KIF6: variants seen among roughly 807,000 people sequenced by gnomAD.
The protein encoded by KIF6 is kinesin-like protein KIF6.
In KIF6, 106 loss-of-function variants were observed where a neutral mutation model predicts 112.7. The ratio of observed to expected loss-of-function variants is 0.94; its 90% CI spans 0.80 to 1.11. The LOEUF is 1.11. Ranked by LOEUF, KIF6 falls within the 50% of genes least tolerant of loss-of-function variation. The pLI is 0.00. For missense variants in KIF6, 929 were observed against 964.0 expected (o/e 0.96, Z 0.48); for synonymous variants, 339 against 339.9 (o/e 1.00, Z 0.03).
intron 16 of KIF6, 57 bp from the exon 17 acceptor site, chr6:39,362,575 G>C (rs376123906): frequency 7.7e-7 from 1 of 1,293,450 alleles, no homozygotes; most frequent in Non-Finnish European, 1.1e-6. Context: ...GGAAGAGTGT[G>C]ATATTTGGGC....
chr6:39,388,816 C>CA (rs997638404), intron 15 of KIF6, among the ~76,000 whole-genome samples: 15 of 152,140 alleles, frequency 9.9e-5, no homozygotes, highest in African/African-American at 3.6e-4. Flanking sequence ...GAAATGGAAA[C>CA]AGAGAACTCC....
At chr6:39,596,294 A>G in intron 6 of KIF6, 34 bp from the exon 7 acceptor site, 1 of 1,372,252 alleles carries the variant, frequency 7.3e-7, no homozygotes, top group South Asian at 1.2e-5. Context: ...AATTATTTGA[A>G]CAATGAAAAT....
At chr6:39,709,657 T>C (rs1162818057) in intron 3 of KIF6, among the ~76,000 whole-genome samples, 2 of 152,190 alleles carry the variant, frequency 1.3e-5, no homozygotes, top group Non-Finnish European at 2.9e-5. Context: ...TTACAGAATT[T>C]TGGACAGAAA....
intron 15 of KIF6, among the ~76,000 whole-genome samples, chr6:39,415,887 A>G (rs1769885357): frequency 6.6e-6 from 1 of 152,156 alleles, no homozygotes. Context: ...TAGGGGGAAA[A>G]AAACTTCCAG....
At chr6:39,337,055 TCTTTCTTTCTTTCTCTTTC>T (rs1762964243) in intron 22 of KIF6, among the ~76,000 whole-genome samples, 1 of 84,994 alleles carries the variant, frequency 1.2e-5, no homozygotes, top group Non-Finnish European at 2.8e-5. Context: ...CCTTTTTCTT[TCTTTCTTTCTTTCTCTTTC>T]CTTTCTTTCC....
At chr6:39,441,332 T>G (rs1394394498) in intron 13 of KIF6, among the ~76,000 whole-genome samples, 1 of 152,214 alleles carries the variant, frequency 6.6e-6, no homozygotes, top group Non-Finnish European at 1.5e-5. Flanking sequence ...AAATGACAAC[T>G]GCCATTTGAT....
At chr6:39,586,187 A>G in intron 8 of KIF6, 74 bp downstream of exon 8, 1 of 1,524,250 alleles carries the variant, frequency 6.6e-7, no homozygotes, top group East Asian at 2.3e-5. Flanking sequence ...AACCCACCCA[A>G]GAGCCTCAAC....
chr6:39,558,932 TATGAG>T (rs1295685304), intron 10 of KIF6, among the ~76,000 whole-genome samples: 1 of 152,204 alleles, frequency 6.6e-6, no homozygotes, highest in Non-Finnish European at 1.5e-5. Context: ...TTTTTAATCA[TATGAG>T]ATAACTATTT....
chr6:39,555,340 T>C (rs1177829648), intron 10 of KIF6, among the ~76,000 whole-genome samples: 1 of 151,902 alleles, frequency 6.6e-6, no homozygotes, highest in African/African-American at 2.4e-5. Flanking sequence ...CCTCCCCCTA[T>C]ACCCATATGG....
At chr6:39,663,533 T>C (rs1786284094) in intron 3 of KIF6, among the ~76,000 whole-genome samples, 1 of 152,082 alleles carries the variant, frequency 6.6e-6, no homozygotes, top group Admixed American at 6.6e-5. Context: ...TCAGAATAAG[T>C]ATAATACAGG....
At chr6:39,587,199 C>A (rs1022075168) in intron 7 of KIF6, among the ~76,000 whole-genome samples, 2 of 152,102 alleles carry the variant, frequency 1.3e-5, no homozygotes, top group African/African-American at 2.4e-5. Flanking sequence ...AGGGTTATCC[C>A]GGGCAGACAA....
intron 4 of KIF6, among the ~76,000 whole-genome samples, chr6:39,636,093 C>A (rs1158227821): frequency 2.0e-5 from 3 of 151,946 alleles, no homozygotes; most frequent in African/African-American, 7.2e-5. Flanking sequence ...AAGCTGGACT[C>A]CTACTCTAAC....
At chr6:39,590,452 T>TATA (rs1491249480) in intron 7 of KIF6, among the ~76,000 whole-genome samples, 2 of 81,928 alleles carry the variant, frequency 2.4e-5, no homozygotes, top group Non-Finnish European at 5.3e-5. Flanking sequence ...TATATATATA[T>TATA]TTTTTTTTTT....
intron 10 of KIF6, among the ~76,000 whole-genome samples, chr6:39,556,010 G>T (rs1449864445): frequency 1.4e-5 from 2 of 141,534 alleles, no homozygotes; most frequent in Non-Finnish European, 3.1e-5. Flanking sequence ...CTTACATAAA[G>T]ATTATTTTTA....
chr6:39,380,553 G>A (rs559291229), intron 16 of KIF6, among the ~76,000 whole-genome samples: 139 of 152,072 alleles, frequency 9.1e-4, no homozygotes, highest in Middle Eastern at 3.4e-3. Context: ...GCACATGCAC[G>A]CGCACACACA....
At chr6:39,708,190 G>A (rs1379223785) in intron 3 of KIF6, among the ~76,000 whole-genome samples, 2 of 152,154 alleles carry the variant, frequency 1.3e-5, no homozygotes, top group Admixed American at 1.3e-4. Context: ...TGGCACAACT[G>A]AGAGTGTGGT....
intron 20 of KIF6, 85 bp downstream of exon 20, chr6:39,346,391 A>G (rs1562113974): frequency 2.8e-6 from 2 of 714,756 alleles, no homozygotes; most frequent in East Asian, 5.4e-5. Flanking sequence ...TATAAAAGAG[A>G]CATTGGAGAG....
At chr6:39,349,112 G>A (rs910243351) in intron 19 of KIF6, among the ~76,000 whole-genome samples, 3 of 152,216 alleles carry the variant, frequency 2.0e-5, no homozygotes, top group Admixed American at 2.0e-4. Context: ...CAATAATGAC[G>A]TGACACACAC....
chr6:39,433,493 G>C (rs1243081755), intron 13 of KIF6, among the ~76,000 whole-genome samples: 1 of 152,212 alleles, frequency 6.6e-6, no homozygotes, highest in African/African-American at 2.4e-5. Context: ...TACTCTTGGT[G>C]GCTTAAAAGG....
Sources: allele counts gnomAD v4.1 joint callset (sites outside exome capture counted in the v4.1 genomes callset), GRCh38; gene constraint gnomAD v4.1.1; transcripts MANE v1.5; gene names NCBI Gene and HGNC (gene_info 2026-07-23, HGNC 2026-07-21).